Variants in TMEM181 observed in about 807,000 individuals in gnomAD.
The protein encoded by TMEM181 is transmembrane protein 181.
A neutral mutation model predicts 71.9 loss-of-function variants in TMEM181; 39 were observed. The ratio of observed to expected loss-of-function variants is 0.54; its 90% CI spans 0.42 to 0.71. TMEM181 has a LOEUF of 0.71. TMEM181 is among the 30% of genes least tolerant of loss of function. The pLI is 0.00. For missense variants in TMEM181, 595 were observed against 583.0 expected (o/e 1.02, Z -0.21); for synonymous variants, 245 against 228.8 (o/e 1.07, Z -0.64).
At chr6:158,539,653 A>G (rs1554300002) in intron 1 of TMEM181, among the ~76,000 whole-genome samples, 1 of 152,242 alleles carries the variant, frequency 6.6e-6, no homozygotes, top group African/African-American at 2.4e-5. Flanking sequence ...GGCTGTTTGC[A>G]TATTTGCTAC....
chr6:158,610,228 G>A (rs1785216994), intron 10 of TMEM181: 1 of 241,974 alleles, frequency 4.1e-6, no homozygotes, highest in South Asian at 7.0e-5. Flanking sequence ...CACAGTCGTG[G>A]GGTGCCTTAA....
At chr6:158,628,023 C>T (rs539682872) in intron 13 of TMEM181, among the ~76,000 whole-genome samples, 1 of 152,178 alleles carries the variant, frequency 6.6e-6, no homozygotes, top group African/African-American at 2.4e-5. Context: ...AAGCAGGCTT[C>T]CCTCGGGAGA....
At chr6:158,586,234 C>T (rs1364809400) in intron 5 of TMEM181, among the ~76,000 whole-genome samples, 1 of 152,204 alleles carries the variant, frequency 6.6e-6, no homozygotes, top group African/African-American at 2.4e-5. Context: ...AGAATCAGAA[C>T]CAGATCCCTG....
chr6:158,625,932 C>G (rs1297689208), intron 13 of TMEM181, among the ~76,000 whole-genome samples, 178 bp downstream of exon 13: 1 of 152,210 alleles, frequency 6.6e-6, no homozygotes, highest in East Asian at 1.9e-4. Context: ...GCCTGGAGAG[C>G]ATGTTTTTGT....
chr6:158,555,068 A>G lies in TMEM181; in HGVS notation c.131+18203A>G, dbSNP rs528912078. 3.2e-4 allele frequency among the ~76,000 whole-genome samples: 48 copies of G among 152,370 alleles called. No individual in the cohort carries two copies. The South Asian group carries it at 9.9e-3, about 32-fold the overall frequency. On this transcript the variant is annotated intron_variant, in intron 1 of 16. Coordinates refer to the TMEM181 transcript ENST00000367090. ...ACTGGCTGAATTATATAAGGAAAAC[A>G]AACTCTCCAAAGAGCCTTGAACTAG...
intron 13 of TMEM181, among the ~76,000 whole-genome samples, chr6:158,626,250 C>T (rs1786269733): frequency 6.6e-6 from 1 of 152,188 alleles, no homozygotes; most frequent in Admixed American, 6.5e-5. Context: ...TCGGCCTGGC[C>T]TGAGTGCCCC....
intron 10 of TMEM181, 48 bp from the exon 11 acceptor site, chr6:158,623,502 A>C (rs1276025882): frequency 8.1e-7 from 1 of 1,235,626 alleles, no homozygotes. Flanking sequence ...TAAAATAAAA[A>C]GTAAAGGTAG....
chr6:158,608,782 T>C, intron 10 of TMEM181, 32 bp downstream of exon 10: 1 of 1,593,392 alleles, frequency 6.3e-7, no homozygotes, highest in South Asian at 1.1e-5. Context: ...GAAACTTCAG[T>C]CATGAAAAGC....
At chr6:158,539,188 C>T (rs1392322616) in intron 1 of TMEM181, among the ~76,000 whole-genome samples, 2 of 152,142 alleles carry the variant, frequency 1.3e-5, no homozygotes, top group African/African-American at 2.4e-5. Flanking sequence ...TCTGCCCCGC[C>T]CCCCGCCATG....
chr6:158,623,148 T>A (rs1450219012), intron 10 of TMEM181, among the ~76,000 whole-genome samples: 2 of 152,246 alleles, frequency 1.3e-5, no homozygotes, highest in Non-Finnish European at 2.9e-5. Context: ...CCCATTTTCA[T>A]TTTGAAAATC....
At chr6:158,615,843 C>T (rs1785579439) in intron 10 of TMEM181, among the ~76,000 whole-genome samples, 1 of 152,074 alleles carries the variant, frequency 6.6e-6, no homozygotes, top group Admixed American at 6.6e-5. Flanking sequence ...CCTTGTTCTA[C>T]ATCTCTGTTT....
intron 1 of TMEM181, among the ~76,000 whole-genome samples, chr6:158,565,848 C>T (rs551102813): frequency 1.3e-4 from 20 of 152,196 alleles, no homozygotes; most frequent in African/African-American, 4.6e-4. Flanking sequence ...CAGAGCCTCG[C>T]GGTGGGGGCG....
At chr6:158,556,955 G>T (rs1781911405), upstream of TMEM181, among the ~76,000 whole-genome samples, 1 of 152,096 alleles carries the variant, frequency 6.6e-6, no homozygotes, top group Non-Finnish European at 1.5e-5. Context: ...GGCCAAGCTG[G>T]TCTCAAACTC....
intron 1 of TMEM181, among the ~76,000 whole-genome samples, chr6:158,560,624 G>T (rs1242173047): frequency 6.6e-6 from 1 of 152,182 alleles, no homozygotes; most frequent in Non-Finnish European, 1.5e-5. Context: ...CTGCCGGAAA[G>T]GCCCCGCCCC....
Position 158,600,628 on chromosome 6 carries a change from G to A in TMEM181, c.493-4639G>A, listed in dbSNP as rs143961456. ...TGGGATTACAGGCAAGCACCACCAC[G>A]CCCGGCTAATTTTTGTATTTTTAGT... On this transcript the variant is annotated intron_variant, in intron 6 of 16. Coordinates refer to ENST00000684151, the MANE Select transcript of TMEM181 (RefSeq NM_001376852.1). Among the ~76,000 whole-genome samples, 257 of 151,582 alleles carry A rather than the reference G, an allele frequency of 1.7e-3. 1 individual carries two copies. The highest frequency in any genetic ancestry group is 3.0e-3 in the Non-Finnish European group (201 of 67,872).
At chr6:158,545,888 C>T (rs1456432298) in intron 1 of TMEM181, among the ~76,000 whole-genome samples, 4 of 152,084 alleles carry the variant, frequency 2.6e-5, no homozygotes, top group Non-Finnish European at 4.4e-5. Flanking sequence ...GTGCCCTCTG[C>T]GCTGTGTTTG....
intron 6 of TMEM181, 51 bp downstream of exon 6, chr6:158,589,833 A>G (rs367725264): frequency 6.9e-5 from 89 of 1,285,450 alleles, no homozygotes; most frequent in Non-Finnish European, 1.0e-4. Flanking sequence ...TCTAGTTCCC[A>G]TTCTTTGTTC....
At chr6:158,544,655 C>T (rs1277192248) in intron 1 of TMEM181, among the ~76,000 whole-genome samples, 1 of 152,178 alleles carries the variant, frequency 6.6e-6, no homozygotes, top group African/African-American at 2.4e-5. Context: ...CTTGGTCTTC[C>T]CGCCTTCCTT....
chr6:158,545,170 G>A (rs374343382), intron 1 of TMEM181, among the ~76,000 whole-genome samples: 16 of 152,196 alleles, frequency 1.1e-4, no homozygotes, highest in African/African-American at 3.6e-4. Flanking sequence ...CTGCACCAGC[G>A]TTCCCGCTAC....
Sources: allele counts gnomAD v4.1 joint callset (sites outside exome capture counted in the v4.1 genomes callset), GRCh38; gene constraint gnomAD v4.1.1; transcripts MANE v1.5; gene names NCBI Gene and HGNC (gene_info 2026-07-23, HGNC 2026-07-21).